Variants in AK8 observed in about 807,000 individuals in gnomAD.
AK8 encodes the protein ATP-AMP transphosphorylase 8.
In AK8, 44 loss-of-function variants were observed where a neutral mutation model predicts 54.6. The observed-to-expected ratio is 0.81, with a 90% CI of 0.63 to 1.04. The LOEUF (loss-of-function observed/expected upper bound fraction) is 1.04, where lower values mean the gene tolerates loss of function less well. Among genes scored for constraint, AK8 ranks in the 50% least tolerant of loss-of-function variants. The pLI is 0.00. For missense variants in AK8, 555 were observed against 613.6 expected (o/e 0.90, Z 1.01); for synonymous variants, 239 against 245.6 (o/e 0.97, Z 0.25).
intron 10 of AK8, among the ~76,000 whole-genome samples, chr9:132,807,486 T>C (rs1840779240): frequency 6.6e-6 from 1 of 152,156 alleles, no homozygotes; most frequent in African/African-American, 2.4e-5. Flanking sequence ...ATCTCCTCCC[T>C]GGATAACCAC....
At chr9:132,783,426 G>T (rs2809250) in intron 11 of AK8, among the ~76,000 whole-genome samples, 94,937 of 152,000 alleles carry the variant, frequency 0.62, 30,119 homozygotes, top group East Asian at 0.81. Flanking sequence ...GGTAATTTAT[G>T]ATGGCAATAT....
At chr9:132,839,075 T>A (rs1276243267) in intron 5 of AK8, among the ~76,000 whole-genome samples, 2 of 151,906 alleles carry the variant, frequency 1.3e-5, no homozygotes, top group African/African-American at 4.8e-5. Context: ...TCCTAAGTAG[T>A]TAGGATTACA....
chr9:132,729,247 G>A (rs1836717256), intron 11 of AK8, among the ~76,000 whole-genome samples: 1 of 152,186 alleles, frequency 6.6e-6, no homozygotes, highest in South Asian at 2.1e-4. Context: ...GAAACCATCT[G>A]GCAAAATGTC....
At chr9:132,744,220 C>T (rs920257867) in intron 11 of AK8, among the ~76,000 whole-genome samples, 1 of 152,156 alleles carries the variant, frequency 6.6e-6, no homozygotes, top group Non-Finnish European at 1.5e-5. Context: ...TTCCAAAAGA[C>T]CCTTCGTCCC....
chr9:132,759,722 A>AC (rs1245589414), intron 11 of AK8, among the ~76,000 whole-genome samples: 1 of 152,132 alleles, frequency 6.6e-6, no homozygotes, highest in Non-Finnish European at 1.5e-5. Context: ...CCGTGGTGCC[A>AC]CCCCTGTCAT....
At chr9:132,771,064 G>A (rs560220799) in intron 11 of AK8, among the ~76,000 whole-genome samples, 10 of 152,186 alleles carry the variant, frequency 6.6e-5, no homozygotes, top group African/African-American at 1.2e-4. Context: ...TGCGCTCAGC[G>A]GCTCAGAGCA....
intron 2 of AK8, among the ~76,000 whole-genome samples, chr9:132,872,934 C>A (rs1251495093): frequency 6.6e-6 from 1 of 152,234 alleles, no homozygotes; most frequent in Non-Finnish European, 1.5e-5. Flanking sequence ...GCCTCAGCCT[C>A]CCCAGTAGCT....
chr9:132,798,967 G>A (rs904890100), intron 10 of AK8, among the ~76,000 whole-genome samples: 10 of 152,124 alleles, frequency 6.6e-5, no homozygotes, highest in East Asian at 1.9e-4. Context: ...GCAGTTCCAC[G>A]GCTCCGGACA....
intron 11 of AK8, among the ~76,000 whole-genome samples, chr9:132,731,510 G>T (rs193107177): frequency 1.5e-3 from 227 of 152,282 alleles, no homozygotes; most frequent in Non-Finnish European, 2.3e-3. Flanking sequence ...AACCAATACA[G>T]AAGGCGAACT....
chr9:132,741,017 C>T (rs772778485), intron 11 of AK8, among the ~76,000 whole-genome samples: 5 of 152,146 alleles, frequency 3.3e-5, no homozygotes, highest in South Asian at 2.1e-4. Context: ...TCCCAAGTGG[C>T]ACCTGGCCAC....
intron 11 of AK8, among the ~76,000 whole-genome samples, chr9:132,782,689 CA>C (rs147733384): frequency 5.0e-5 from 7 of 139,978 alleles, no homozygotes; most frequent in Admixed American, 1.4e-4. Flanking sequence ...AATTCCGTCT[CA>C]AAAAAAAAAA....
intron 10 of AK8, among the ~76,000 whole-genome samples, chr9:132,801,583 T>C (rs180960907): frequency 7.2e-5 from 11 of 152,308 alleles, no homozygotes; most frequent in Admixed American, 6.5e-4. Flanking sequence ...AACCAGTTTT[T>C]TCTCCCACAT....
At chr9:132,755,160 C>T (rs1205716321) in intron 11 of AK8, among the ~76,000 whole-genome samples, 1 of 152,230 alleles carries the variant, frequency 6.6e-6, no homozygotes, top group Non-Finnish European at 1.5e-5. Context: ...CACTTGCTGT[C>T]ATGCCAGAAT....
chr9:132,763,277 A>C (rs908068052), intron 11 of AK8, among the ~76,000 whole-genome samples: 1 of 152,372 alleles, frequency 6.6e-6, no homozygotes, highest in Admixed American at 6.5e-5. Context: ...CAATGGCATA[A>C]AACTAGAAAT....
At chr9:132,821,622 A>C (rs1841612675) in intron 9 of AK8, among the ~76,000 whole-genome samples, 1 of 151,648 alleles carries the variant, frequency 6.6e-6, no homozygotes, top group Admixed American at 6.6e-5. Context: ...AAGCTGGAGG[A>C]GGCCTGAGAA....
intron 11 of AK8, among the ~76,000 whole-genome samples, chr9:132,766,083 C>T (rs1451224069): frequency 6.6e-6 from 1 of 152,132 alleles, no homozygotes; most frequent in Non-Finnish European, 1.5e-5. Flanking sequence ...AAAGCAATCC[C>T]AATTACCATT....
At chr9:132,872,727 G>A (rs896165740) in intron 2 of AK8, among the ~76,000 whole-genome samples, 2 of 152,092 alleles carry the variant, frequency 1.3e-5, no homozygotes, top group African/African-American at 2.4e-5. Flanking sequence ...TCCACCCCCT[G>A]GGTTCAAGCG....
At chr9:132,789,597 CA>C (rs578003731) in intron 11 of AK8, among the ~76,000 whole-genome samples, 1,912 of 57,402 alleles carry the variant, frequency 0.033, 12 homozygotes, top group African/African-American at 0.11. Flanking sequence ...ACTCATCTCA[CA>C]AAAAAAAAAA....
At chr9:132,820,210 T>C (rs1304740984) in intron 9 of AK8, among the ~76,000 whole-genome samples, 3 of 138,306 alleles carry the variant, frequency 2.2e-5, no homozygotes, top group South Asian at 4.6e-4. Context: ...TCATGCTCAC[T>C]GTAAAAAAAA....
Sources: allele counts gnomAD v4.1 joint callset (sites outside exome capture counted in the v4.1 genomes callset), GRCh38; gene constraint gnomAD v4.1.1; transcripts MANE v1.5; gene names NCBI Gene and HGNC (gene_info 2026-07-23, HGNC 2026-07-21).